The following PRKCB variants were observed in gnomAD, a reference collection of about 807,000 sequenced individuals.
The protein encoded by PRKCB is protein kinase C beta type.
A neutral mutation model predicts 81.5 loss-of-function variants in PRKCB; 13 were observed. The observed-to-expected ratio is 0.16, with a 90% CI of 0.10 to 0.25. The LOEUF (loss-of-function observed/expected upper bound fraction) is 0.25, where lower values mean the gene tolerates loss of function less well. Ranked by LOEUF, PRKCB falls within the 10% of genes least tolerant of loss-of-function variation. The probability of loss-of-function intolerance (pLI) is 1.00; values close to 1 mark genes in which losing one functional copy is unlikely to be tolerated. For synonymous variants in PRKCB, 335 were observed against 321.4 expected (o/e 1.04, Z -0.45); for missense variants, 509 against 875.7 (o/e 0.58, Z 5.29).
At position 24,018,008 on chromosome 16, in the gene PRKCB, C is replaced by G. The variant is rs967129769; in HGVS notation, c.289-14128C>G. Among the ~76,000 whole-genome samples, 46 of 151,198 alleles carry G rather than the reference C, an allele frequency of 3.0e-4. 1 individual carries two copies. Among genetic ancestry groups the G allele is most frequent in the Admixed American group, 2.4e-3 (37 of 15,142 alleles). On this transcript the variant is annotated intron_variant, in intron 3 of 16. Transcript: ENST00000643927. ...CCACCTCCTGGGTTCATGCCATACT[C>G]CTGCCTCAGCCTCCCGAGTAGCTGG...
intron 5 of PRKCB, among the ~76,000 whole-genome samples, chr16:24,053,042 C>T (rs868232440): frequency 1.3e-5 from 2 of 152,212 alleles, no homozygotes; most frequent in African/African-American, 4.8e-5. Flanking sequence ...AAATTTTAAT[C>T]ATGTGCTCTG....
intron 3 of PRKCB, among the ~76,000 whole-genome samples, chr16:24,004,134 C>A (rs761243829): frequency 1.3e-5 from 2 of 152,016 alleles, no homozygotes; most frequent in Non-Finnish European, 2.9e-5. Context: ...ACCGTGGAAT[C>A]TGGAAAGCAT....
In PRKCB at chr16:23,908,617, C is replaced by T. The variant is rs181935083; in HGVS notation, c.205+71211C>T. Among the ~76,000 whole-genome samples the T allele has an allele frequency of 1.1e-3, 163 of 152,212 alleles. 1 individual carries two copies. Among genetic ancestry groups the T allele is most frequent in the Non-Finnish European group, 1.6e-3 (107 of 68,006 alleles). On this transcript the variant is annotated intron_variant, in intron 2 of 16. Transcript: ENST00000643927. ...CGCCATCTCGGCTCACTGCAAGCTC[C>T]GCCTCCCGGGTTCATGCCATTCTCC...
chr16:24,139,303 A>G (rs1966879179), intron 9 of PRKCB, among the ~76,000 whole-genome samples: 1 of 152,260 alleles, frequency 6.6e-6, no homozygotes, highest in African/African-American at 2.4e-5. Flanking sequence ...TTCTACTGGT[A>G]TCAACAATTA....
At chr16:24,153,968 A>G (rs182384377) in intron 9 of PRKCB, among the ~76,000 whole-genome samples, 7 of 152,320 alleles carry the variant, frequency 4.6e-5, no homozygotes, top group South Asian at 2.1e-4. Context: ...TCAGTCATTC[A>G]CTCATTCTGT....
chr16:24,200,539 A>G (rs1967941865), intron 16 of PRKCB, among the ~76,000 whole-genome samples: 1 of 152,242 alleles, frequency 6.6e-6, no homozygotes, highest in South Asian at 2.1e-4. Flanking sequence ...TAGATAATTT[A>G]TAAAGAAAAG....
intron 2 of PRKCB, 64 bp from the exon 3 acceptor site, chr16:23,988,444 C>T (rs1329104935): frequency 2.2e-6 from 3 of 1,337,782 alleles, no homozygotes; most frequent in Non-Finnish European, 1.1e-6. Flanking sequence ...TCCTCCCTTT[C>T]TCTCTCTTCC....
intron 12 of PRKCB, among the ~76,000 whole-genome samples, chr16:24,177,424 GTCTGCA>G (rs1967552194): frequency 6.6e-6 from 1 of 152,096 alleles, no homozygotes; most frequent in African/African-American, 2.4e-5. Context: ...TTTTAAGCCA[GTCTGCA>G]TCTGAACCCT....
chr16:24,083,851 C>T (rs1258148443), intron 5 of PRKCB, among the ~76,000 whole-genome samples: 1 of 151,830 alleles, frequency 6.6e-6, no homozygotes, highest in Non-Finnish European at 1.5e-5. Flanking sequence ...TAATTAAACA[C>T]ATAAAATAAA....
intron 3 of PRKCB, among the ~76,000 whole-genome samples, chr16:24,022,226 G>A (rs1418480948): frequency 6.6e-5 from 10 of 152,130 alleles, no homozygotes; most frequent in Non-Finnish European, 1.5e-4. Flanking sequence ...CATGGGGTTG[G>A]ATTCCAGCAC....
intron 2 of PRKCB, among the ~76,000 whole-genome samples, chr16:23,971,000 T>C (rs1419676173): frequency 6.6e-6 from 1 of 152,244 alleles, no homozygotes. Context: ...GGCTTAGTTT[T>C]CCTCATGCAT....
At chr16:23,900,718 G>GTTTTTTTTTTTTTTTTTTTTTTTT (rs56897816) in intron 2 of PRKCB, among the ~76,000 whole-genome samples, 2 of 62,232 alleles carry the variant, frequency 3.2e-5, no homozygotes, top group African/African-American at 7.0e-5. Flanking sequence ...AGCTGCACAG[G>GTTTTTTTTTTTTTTTTTTTTTTTT]TTTTTTTTTT....
At chr16:24,041,999 A>G (rs11645430) in intron 5 of PRKCB, among the ~76,000 whole-genome samples, 8,083 of 149,954 alleles carry the variant, frequency 0.054, 266 homozygotes, top group African/African-American at 0.071. Context: ...AAAAAAAAAA[A>G]AAGAATTGGG....
At chr16:24,211,038 C>T (rs998205981) in intron 16 of PRKCB, among the ~76,000 whole-genome samples, 1 of 148,526 alleles carries the variant, frequency 6.7e-6, no homozygotes, top group African/African-American at 2.6e-5. Flanking sequence ...CAATTCTAAC[C>T]ACAGTGAGTT....
chr16:24,154,618 C>T, intron 9 of PRKCB, 66 bp from the exon 10 acceptor site: 1 of 1,517,306 alleles, frequency 6.6e-7, no homozygotes, highest in Non-Finnish European at 9.1e-7. Flanking sequence ...CAAATGAACA[C>T]CAGCTGCTCA....
chr16:23,906,258 TATC>T (rs1184404609), intron 2 of PRKCB, among the ~76,000 whole-genome samples: 3 of 152,210 alleles, frequency 2.0e-5, no homozygotes, highest in African/African-American at 7.2e-5. Flanking sequence ...AGTATCTCGC[TATC>T]ATCTTAATTT....
At chr16:23,996,389 C>T (rs1280506965) in intron 3 of PRKCB, among the ~76,000 whole-genome samples, 1 of 152,188 alleles carries the variant, frequency 6.6e-6, no homozygotes, top group Non-Finnish European at 1.5e-5. Context: ...TAGACTTCCA[C>T]TCATCAAGGC....
At chr16:23,860,864 C>T (rs12930858) in intron 2 of PRKCB, among the ~76,000 whole-genome samples, 1 of 152,140 alleles carries the variant, frequency 6.6e-6, no homozygotes, top group Admixed American at 6.5e-5. Context: ...CAAGATCGCG[C>T]TACTGTACTC....
chr16:24,165,490 G>A (rs546650438), intron 10 of PRKCB, among the ~76,000 whole-genome samples: 5 of 152,268 alleles, frequency 3.3e-5, no homozygotes, highest in South Asian at 2.1e-4. Context: ...ATAAGCGCTC[G>A]ATGAAAGTTC....
Sources: allele counts gnomAD v4.1 joint callset (sites outside exome capture counted in the v4.1 genomes callset), GRCh38; gene constraint gnomAD v4.1.1; transcripts MANE v1.5; gene names NCBI Gene and HGNC (gene_info 2026-07-23, HGNC 2026-07-21).